Variants in PCDHA7 observed in about 807,000 individuals in gnomAD.
PCDHA7 encodes the protein protocadherin alpha-7.
Under a neutral mutation model 57.2 loss-of-function variants are expected in PCDHA7, and 37 were observed. That is an observed-to-expected ratio of 0.65 (90% CI 0.50 to 0.85). The LOEUF (loss-of-function observed/expected upper bound fraction) is 0.85, where lower values mean the gene tolerates loss of function less well. PCDHA7 is among the 40% of genes least tolerant of loss of function. PCDHA7 has a pLI of 0.00. For missense variants in PCDHA7, 1,188 were observed against 1,241.8 expected (o/e 0.96, Z 0.65); for synonymous variants, 553 against 558.8 (o/e 0.99, Z 0.15).
intron 3 of PCDHA7, among the ~76,000 whole-genome samples, chr5:140,989,715 G>A (rs2097356088): frequency 6.6e-6 from 1 of 152,166 alleles, no homozygotes; most frequent in Non-Finnish European, 1.5e-5. Flanking sequence ...GAGGCAGTCA[G>A]CTTTGCAGTT....
chr5:140,843,174 C>G (rs2150354431), intron 1 of PCDHA7: 17 of 1,596,086 alleles, frequency 1.1e-5, no homozygotes, highest in African/African-American at 9.4e-5. Context: ...GCAAGCAGCC[C>G]TCGCATCCCG....
Position 140,851,014 on chromosome 5 carries a change from T to G in PCDHA7, c.2355+14276T>G, listed in dbSNP as rs982386368. 9 of 1,434,762 alleles carry G rather than the reference T, an allele frequency of 6.3e-6. No individual in the cohort carries two copies. In the East Asian group the frequency reaches 2.2e-4, roughly 35 times the overall value. The allele number at this position is 1,434,762 out of a possible 1,614,324, so 88.9% of individuals were successfully genotyped here. On this transcript the variant is annotated intron_variant, in intron 1 of 3. Coordinates refer to ENST00000525929, the MANE Select transcript of PCDHA7 (RefSeq NM_018910.3). ...CTAGAAATCCAGCAGATTTTTTTTC[T>G]GATAAAGTAAACCCCTTAACATTGG... is the stretch of plus-strand genomic sequence containing the variant.
intron 1 of PCDHA7, chr5:140,868,979 C>A: frequency 6.7e-7 from 1 of 1,485,290 alleles, no homozygotes; most frequent in Non-Finnish European, 9.0e-7. Context: ...TCCATCATAC[C>A]GGATGCCACC....
chr5:140,897,345 C>A (rs1291203410), intron 1 of PCDHA7, among the ~76,000 whole-genome samples: 2 of 126,562 alleles, frequency 1.6e-5, no homozygotes, highest in African/African-American at 6.0e-5. Flanking sequence ...CCCCCCACCC[C>A]ACAACTGTCC....
chr5:140,914,130 A>G (rs552189632), intron 1 of PCDHA7, among the ~76,000 whole-genome samples: 2 of 152,146 alleles, frequency 1.3e-5, no homozygotes, highest in African/African-American at 4.8e-5. Flanking sequence ...TTCTTTGTTG[A>G]GTTTTTGTCT....
chr5:140,875,517 G>A (rs2055556431), intron 1 of PCDHA7: 7 of 1,614,024 alleles, frequency 4.3e-6, no homozygotes, highest in Non-Finnish European at 5.9e-6. Flanking sequence ...AGCGTCTGCT[G>A]CTCTCGCTTC....
chr5:140,972,589 T>C (rs1258846206), intron 1 of PCDHA7, among the ~76,000 whole-genome samples: 2 of 152,074 alleles, frequency 1.3e-5, no homozygotes, highest in Non-Finnish European at 2.9e-5. Flanking sequence ...AGAATTTCTC[T>C]TTGGAAATTT....
chr5:140,898,965 G>T (rs2067069000), intron 1 of PCDHA7, among the ~76,000 whole-genome samples: 1 of 152,044 alleles, frequency 6.6e-6, no homozygotes, highest in Non-Finnish European at 1.5e-5. Flanking sequence ...GTGAATGGGA[G>T]TTCACTCATG....
chr5:140,872,075 C>T (rs1452265862), intron 1 of PCDHA7, among the ~76,000 whole-genome samples: 1 of 152,234 alleles, frequency 6.6e-6, no homozygotes, highest in Non-Finnish European at 1.5e-5. Flanking sequence ...GCTGGGAATG[C>T]AGTGCCACTG....
intron 2 of PCDHA7, chr5:140,982,242 AAAG>A (rs2096973421): frequency 2.9e-6 from 2 of 701,584 alleles, no homozygotes; most frequent in African/African-American, 3.6e-5. Flanking sequence ...GAATTGCCAT[AAAG>A]ATAGAACATG....
chr5:141,002,047 C>A (rs1449885583), intron 3 of PCDHA7, among the ~76,000 whole-genome samples: 2 of 152,202 alleles, frequency 1.3e-5, no homozygotes, highest in Non-Finnish European at 2.9e-5. Flanking sequence ...TCCTGGGCAT[C>A]CAGAGGCAGC....
intron 1 of PCDHA7, chr5:140,967,112 C>G: frequency 6.2e-7 from 1 of 1,612,994 alleles, no homozygotes; most frequent in Non-Finnish European, 8.5e-7. Context: ...GCAGCGGCCT[C>G]GCTGCCTGCT....
intron 1 of PCDHA7, chr5:140,853,738 T>A: frequency 2.0e-6 from 2 of 988,624 alleles, no homozygotes. Context: ...CATTGAATGT[T>A]CTGGTTCAAG....
rs2150351918 is a variant in PCDHA7, at chr5:140,843,075, TG to T, written c.2355+6340del. ...GCGAGCAAGCTGGTGCCGCGGTCTG[TG>T]GGCGCGGGCCACGTGGTAGCGAAGG... On this transcript the variant is annotated intron_variant, in intron 1 of 3. Coordinates refer to ENST00000525929, the MANE Select transcript of PCDHA7 (RefSeq NM_018910.3). 2.6e-5 allele frequency: 42 copies of T among 1,595,158 alleles called. 6 individuals carry two copies. Among genetic ancestry groups the T allele is most frequent in the Non-Finnish European group, 1.6e-5 (19 of 1,165,272 alleles).
At chr5:140,924,187 G>A (rs1238020963) in intron 1 of PCDHA7, among the ~76,000 whole-genome samples, 1 of 152,220 alleles carries the variant, frequency 6.6e-6, no homozygotes, top group Non-Finnish European at 1.5e-5. Flanking sequence ...CAGAAAATTA[G>A]TTTTGGTTTA....
intron 1 of PCDHA7, chr5:140,863,320 CT>C: frequency 6.9e-7 from 1 of 1,445,292 alleles, no homozygotes; most frequent in South Asian, 1.1e-5. Flanking sequence ...GGTGTCCAGC[CT>C]GTTAGTGCTC....
At position 140,990,371 on chromosome 5, in the gene PCDHA7, A is replaced by G. The variant is rs570757505; in HGVS notation, c.2503+7808A>G. Reference sequence around the variant, plus strand: ...CCTGTACAGAAAATCTAATAAAGCAAATTTGTTGGTGATGTTCCAAGAAGG... The same window carrying G: ...CCTGTACAGAAAATCTAATAAAGCAGATTTGTTGGTGATGTTCCAAGAAGG... On this transcript the variant is annotated intron_variant, in intron 3 of 3. Coordinates refer to ENST00000525929, the MANE Select transcript of PCDHA7 (RefSeq NM_018910.3). 7.2e-5 allele frequency among the ~76,000 whole-genome samples: 11 copies of G among 152,154 alleles called. No homozygotes were observed. The East Asian group carries it at 1.9e-3, about 27-fold the overall frequency.
intron 1 of PCDHA7, chr5:140,843,148 T>C (rs2150353872): frequency 6.3e-7 from 1 of 1,596,056 alleles, no homozygotes; most frequent in South Asian, 1.1e-5. Flanking sequence ...GGCTTTCGTA[T>C]GAGCTGCAGC....
At chr5:140,966,642 G>C (rs897727830) in intron 1 of PCDHA7, 15 of 1,117,790 alleles carry the variant, frequency 1.3e-5, no homozygotes, top group Non-Finnish European at 1.8e-5. Context: ...GCGCTTTCTA[G>C]AGCGTGAGCG....
Sources: gnomAD v4.1 joint callset for allele counts (sites outside exome capture counted in the v4.1 genomes callset) on GRCh38, gnomAD v4.1.1 for gene constraint, MANE v1.5 for transcripts, NCBI Gene and HGNC (gene_info 2026-07-23, HGNC 2026-07-21) for gene names.